The following TIA1 variants were observed in gnomAD, a reference collection of about 807,000 sequenced individuals.
TIA1 encodes TIA1 cytotoxic granule associated RNA binding protein.
In TIA1, 23 loss-of-function variants were observed where a neutral mutation model predicts 65.9. The ratio of observed to expected loss-of-function variants is 0.35; its 90% confidence interval spans 0.25 to 0.49. TIA1 has a LOEUF of 0.49. Ranked by LOEUF, TIA1 falls within the 20% of genes least tolerant of loss-of-function variation. The probability of loss-of-function intolerance (pLI) is 0.98; values close to 1 mark genes in which losing one functional copy is unlikely to be tolerated. For missense variants in TIA1, 371 were observed against 477.9 expected, an observed-to-expected ratio of 0.78 and a Z score of 2.09; for synonymous variants, 147 against 149.4, an observed-to-expected ratio of 0.98 and a Z score of 0.12.
chr2:70,228,910 T>G, intron 5 of TIA1, 149 bp downstream of exon 5: 1 of 1,477,384 alleles, frequency 6.8e-7, no homozygotes, highest in African/African-American at 1.4e-5. Flanking sequence ...TGGTCAACAC[T>G]GAGAAGGGAG....
intron 1 of TIA1, among the ~76,000 whole-genome samples, chr2:70,239,701 G>T (rs549513166): frequency 6.6e-6 from 1 of 152,298 alleles, no homozygotes; most frequent in East Asian, 1.9e-4. Context: ...GATGGCAAAG[G>T]AAGAAATGCT....
chr2:70,224,748 A>T (rs1456121447), intron 6 of TIA1, 119 bp from the exon 7 acceptor site: 1 of 1,449,986 alleles, frequency 6.9e-7, no homozygotes, highest in Non-Finnish European at 9.1e-7. Context: ...CTTTAATGCA[A>T]ATTCACCTTT....
rs758851784 is a variant in TIA1 at position 70,230,816 on chromosome 2, A to G, written c.162T>C (p.His54=). The change falls in exon 3 of 13, where the codon CAT becomes CAC. Residue 54 remains histidine (H), a synonymous_variant. Coordinates refer to ENST00000433529, the MANE Select transcript of TIA1 (RefSeq NM_022173.4). ...ATGCTGCAGCTGCATGACGATGCTCATGAAACTCCACAAAACAATAGGGAT... is the reference window on the plus strand; with the variant it reads ...ATGCTGCAGCTGCATGACGATGCTCGTGAAACTCCACAAAACAATAGGGAT... ...GNDPYCFVEF[H]EHRHAAAALA... is the part of the protein sequence containing the mutation. 6.2e-7 allele frequency: 1 copy of G among 1,613,058 alleles called. No individual in the cohort carries two copies. The highest frequency in any genetic ancestry group is 2.2e-5 in the East Asian group (1 of 44,806).
intron 1 of TIA1, among the ~76,000 whole-genome samples, chr2:70,239,041 T>G (rs1375764642): frequency 6.6e-6 from 1 of 152,118 alleles, no homozygotes; most frequent in Non-Finnish European, 1.5e-5. Context: ...CTGCACTCCA[T>G]CCCAGGTGAC....
Position 70,224,535 on chromosome 2 carries a change from C to T in TIA1, c.474+19G>A. ...CTTTACTCTTTAAGCATTATCCATG[C>T]ACTTCTCACTGAGCTCACCCATTTG... On this transcript the variant is annotated intron_variant, in intron 7 of 12. Coordinates refer to ENST00000433529, the MANE Select transcript of TIA1 (RefSeq NM_022173.4). 1 of 1,613,862 alleles carries T rather than the reference C, an allele frequency of 6.2e-7. No homozygotes were observed. Among genetic ancestry groups the T allele is most frequent in the South Asian group, 1.1e-5 (1 of 91,072 alleles).
intron 8 of TIA1, 65 bp downstream of exon 8, chr2:70,216,821 C>T (rs765178457): frequency 1.2e-6 from 2 of 1,611,956 alleles, no homozygotes; most frequent in African/African-American, 2.7e-5. Flanking sequence ...ACAGCTCTAA[C>T]ATTTAAAATC....
chr2:70,238,829 T>A (rs528027866), intron 1 of TIA1, among the ~76,000 whole-genome samples: 1 of 152,046 alleles, frequency 6.6e-6, no homozygotes, highest in Admixed American at 6.6e-5. Flanking sequence ...GGTGGAAAGA[T>A]CACTTTAGCC....
At chr2:70,235,576 G>GTGTGTA (rs1688543328) in intron 2 of TIA1, among the ~76,000 whole-genome samples, 1 of 149,296 alleles carries the variant, frequency 6.7e-6, no homozygotes, top group South Asian at 2.1e-4. Context: ...GTGTGTATGT[G>GTGTGTA]TGTGTGTTTA....
rs1391335484 is a variant in TIA1, at chr2:70,225,355, A to G, written c.399-726T>C. The G allele has an allele frequency of 2.3e-6, 3 of 1,288,294 alleles. No homozygotes were observed. The African/African-American group carries it at 4.6e-5, about 20-fold the overall frequency. 79.8% of individuals were successfully genotyped at this position (1,288,294 alleles called of 1,614,324 possible). ...TTATCCACTGTGAACCGTAGCTTGT[A>G]GTTAGCCAGGGCAATTCTGTCCATT... On this transcript the variant is annotated intron_variant, in intron 6 of 12. Coordinates refer to ENST00000433529, the MANE Select transcript of TIA1 (RefSeq NM_022173.4).
intron 5 of TIA1, chr2:70,228,525 T>A: frequency 8.7e-7 from 1 of 1,152,250 alleles, no homozygotes; most frequent in South Asian, 1.7e-5. Context: ...TAAAAAAGCA[T>A]TGGAGAGAAA....
At chr2:70,225,346 G>A (rs760456428) in intron 6 of TIA1, 6 of 1,287,324 alleles carry the variant, frequency 4.7e-6, no homozygotes, top group African/African-American at 1.5e-5. Context: ...ACTGTGAACC[G>A]TAGCTTGTAG....
intron 1 of TIA1, among the ~76,000 whole-genome samples, chr2:70,239,134 C>T (rs1690520206): frequency 6.6e-6 from 1 of 152,130 alleles, no homozygotes; most frequent in Admixed American, 6.5e-5. Flanking sequence ...GCTCTGTCGC[C>T]CAGGCTGGAG....
At chr2:70,243,252 C>T (rs151121406) in intron 1 of TIA1, among the ~76,000 whole-genome samples, 41 of 152,168 alleles carry the variant, frequency 2.7e-4, no homozygotes, top group African/African-American at 9.4e-4. Flanking sequence ...ACAGTGAGAT[C>T]GCTTCTCTAC....
intron 7 of TIA1, among the ~76,000 whole-genome samples, chr2:70,220,491 A>T (rs1680794308): frequency 6.6e-6 from 1 of 152,186 alleles, no homozygotes; most frequent in South Asian, 2.1e-4. Flanking sequence ...GGAGTTATAC[A>T]GCTACAAGCC....
intron 1 of TIA1, among the ~76,000 whole-genome samples, chr2:70,245,575 T>C (rs1028280242): frequency 6.6e-6 from 1 of 152,202 alleles, no homozygotes; most frequent in African/African-American, 2.4e-5. Flanking sequence ...TTTTTTACTG[T>C]GGAAAATTTC....
At chr2:70,214,056 T>TAA (rs1677507804) in intron 12 of TIA1, among the ~76,000 whole-genome samples, 1 of 152,212 alleles carries the variant, frequency 6.6e-6, no homozygotes, top group Admixed American at 6.5e-5. Flanking sequence ...GCTTGCAATG[T>TAA]AACAAGGCAT....
At chr2:70,238,101 C>T (rs1008106726) in intron 1 of TIA1, among the ~76,000 whole-genome samples, 1 of 150,718 alleles carries the variant, frequency 6.6e-6, no homozygotes, top group African/African-American at 2.4e-5. Flanking sequence ...ACGGAACTTG[C>T]AGTGAGCCGA....
At chr2:70,248,676 GCGCAGAATAA>G (rs1695633782), upstream of TIA1, 1 of 589,606 alleles carries the variant, frequency 1.7e-6, no homozygotes, top group Admixed American at 2.9e-5. Context: ...GGCCGCGCAG[GCGCAGAATAA>G]TCTTGCACTC....
chr2:70,213,288 T>C (rs1677076654), intron 12 of TIA1, among the ~76,000 whole-genome samples: 1 of 151,922 alleles, frequency 6.6e-6, no homozygotes, highest in South Asian at 2.1e-4. Context: ...TCAAAACAAT[T>C]ATTAGCATAT....
Sources: allele counts gnomAD v4.1 joint callset (sites outside exome capture counted in the v4.1 genomes callset), GRCh38; gene constraint gnomAD v4.1.1; transcripts MANE v1.5; gene names NCBI Gene and HGNC (gene_info 2026-07-23, HGNC 2026-07-21).